The following SPON1 variants were observed in gnomAD, a reference collection of about 807,000 sequenced individuals.
SPON1 encodes spondin 1.
Under a neutral mutation model 111.7 loss-of-function variants are expected in SPON1, and 52 were observed. The observed-to-expected ratio is 0.47, with a 90% CI of 0.37 to 0.59. SPON1 has a LOEUF of 0.59. SPON1 is among the 20% of genes least tolerant of loss of function. The probability of loss-of-function intolerance (pLI) is 0.00; values close to 1 mark genes in which losing one functional copy is unlikely to be tolerated. For synonymous variants in SPON1, 410 were observed against 395.8 expected (o/e 1.04, Z -0.43); for missense variants, 957 against 1,068.5 (o/e 0.90, Z 1.46).
chr11:14,234,985 G>T lies in SPON1; in HGVS notation c.826-8347G>T, dbSNP rs531351345. ...GGCATAGAATGAGCACTTATGAACGGCCAGCCAGCCCACCTGAGCCAGGTT... is the reference window on the plus strand; with the variant it reads ...GGCATAGAATGAGCACTTATGAACGTCCAGCCAGCCCACCTGAGCCAGGTT... On this transcript the variant is annotated intron_variant, in intron 6 of 15. Transcript: ENST00000576479. Among the ~76,000 whole-genome samples, 7 of 152,314 alleles carry T rather than the reference G, an allele frequency of 4.6e-5. No homozygotes were observed. The East Asian group carries it at 7.7e-4, about 17-fold the overall frequency.
chr11:13,965,720 G>A (rs1253351890), intron 1 of SPON1, among the ~76,000 whole-genome samples: 1 of 152,200 alleles, frequency 6.6e-6, no homozygotes. Flanking sequence ...ACCTGATTCT[G>A]CCACTCAAAG....
intron 6 of SPON1, 110 bp from the exon 7 acceptor site, chr11:14,243,221 AG>A: frequency 9.9e-7 from 1 of 1,013,074 alleles, no homozygotes; most frequent in South Asian, 1.4e-5. Flanking sequence ...AGGCAGGAAA[AG>A]CCCCAACAGC....
chr11:14,192,952 G>A (rs1848364077), intron 6 of SPON1, among the ~76,000 whole-genome samples: 1 of 152,106 alleles, frequency 6.6e-6, no homozygotes, highest in Non-Finnish European at 1.5e-5. Context: ...CATCCAAACT[G>A]GTGTTTCCCA....
At chr11:14,177,344 G>T (rs1299813556) in intron 6 of SPON1, among the ~76,000 whole-genome samples, 1 of 152,144 alleles carries the variant, frequency 6.6e-6, no homozygotes, top group Non-Finnish European at 1.5e-5. Flanking sequence ...CCAGCCCAGA[G>T]TTTTTAAGGA....
At chr11:14,045,114 G>A (rs1326704010) in intron 3 of SPON1, among the ~76,000 whole-genome samples, 1 of 152,124 alleles carries the variant, frequency 6.6e-6, no homozygotes, top group Non-Finnish European at 1.5e-5. Flanking sequence ...TTTTTCTCCA[G>A]AAAGCTTGCC....
intron 6 of SPON1, among the ~76,000 whole-genome samples, chr11:14,225,626 T>G (rs1848730963): frequency 2.0e-5 from 3 of 152,256 alleles, no homozygotes; most frequent in African/African-American, 7.2e-5. Context: ...AGGCATGGAT[T>G]ATTTCCATCA....
At chr11:14,224,912 G>T (rs1303429632) in intron 6 of SPON1, among the ~76,000 whole-genome samples, 1 of 152,188 alleles carries the variant, frequency 6.6e-6, no homozygotes, top group Non-Finnish European at 1.5e-5. Context: ...GATGGACTGG[G>T]TGCAGGGAGT....
chr11:14,079,856 C>T, intron 4 of SPON1, 43 bp from the exon 5 acceptor site: 1 of 1,612,298 alleles, frequency 6.2e-7, no homozygotes, highest in Non-Finnish European at 8.5e-7. Flanking sequence ...TATATACAAC[C>T]CACGTTTACT....
rs1847769886 is a variant in SPON1 at position 14,150,146 on chromosome 11, A to G, written c.825+14578A>G. On this transcript the variant is annotated intron_variant, in intron 6 of 15. Coordinates refer to ENST00000576479, the MANE Select transcript of SPON1 (RefSeq NM_006108.4). ...ATAGAATACTATCTAGCCATAAAAA[A>G]GAATGAAATGCCATCATTTGAGGCA... Among the ~76,000 whole-genome samples, 3 of 152,230 alleles carry G rather than the reference A, an allele frequency of 2.0e-5. No individual in the cohort carries two copies. The South Asian group carries it at 6.2e-4, about 31-fold the overall frequency.
intron 15 of SPON1, 94 bp downstream of exon 15, chr11:14,263,069 A>G: frequency 1.4e-6 from 2 of 1,382,920 alleles, no homozygotes; most frequent in Non-Finnish European, 1.9e-6. Flanking sequence ...AAAAAAAAAA[A>G]AAAAAGTCGG....
At chr11:14,051,418 C>T (rs1443247394) in intron 3 of SPON1, among the ~76,000 whole-genome samples, 1 of 152,012 alleles carries the variant, frequency 6.6e-6, no homozygotes, top group Non-Finnish European at 1.5e-5. Flanking sequence ...AGCCTATAGT[C>T]CCAGCTACTC....
intron 6 of SPON1, among the ~76,000 whole-genome samples, chr11:14,167,567 C>T (rs184688118): frequency 2.6e-5 from 4 of 152,154 alleles, no homozygotes; most frequent in African/African-American, 7.2e-5. Context: ...AAAAAGGAAA[C>T]CAAATTTCAT....
intron 6 of SPON1, among the ~76,000 whole-genome samples, chr11:14,184,924 G>T (rs1487056466): frequency 2.0e-5 from 3 of 152,306 alleles, no homozygotes; most frequent in Non-Finnish European, 4.4e-5. Context: ...CAGATTCCGT[G>T]GAACCCATGG....
At chr11:14,021,736 G>A (rs1252293542) in intron 2 of SPON1, among the ~76,000 whole-genome samples, 1 of 152,136 alleles carries the variant, frequency 6.6e-6, no homozygotes, top group Non-Finnish European at 1.5e-5. Flanking sequence ...TCTAGTGCTG[G>A]CTCCTTCTTC....
At chr11:14,031,748 T>C (rs1564889672) in intron 2 of SPON1, among the ~76,000 whole-genome samples, 1 of 152,148 alleles carries the variant, frequency 6.6e-6, no homozygotes, top group Admixed American at 6.5e-5. Flanking sequence ...ATCTGAATTT[T>C]AAAAAATCTA....
intron 2 of SPON1, among the ~76,000 whole-genome samples, chr11:14,039,015 AAAAAG>A (rs1554916970): frequency 1.3e-5 from 2 of 152,246 alleles, no homozygotes; most frequent in African/African-American, 4.8e-5. Flanking sequence ...TTCAGTGCTA[AAAAAG>A]AAATGAGCTA....
At chr11:13,969,372 G>A (rs782550335) in intron 1 of SPON1, among the ~76,000 whole-genome samples, 3 of 152,068 alleles carry the variant, frequency 2.0e-5, no homozygotes, top group African/African-American at 4.8e-5. Flanking sequence ...GCGACAAAGT[G>A]AGACCCTGTC....
intron 6 of SPON1, among the ~76,000 whole-genome samples, chr11:14,189,670 A>G (rs1425308943): frequency 6.6e-6 from 1 of 152,198 alleles, no homozygotes; most frequent in Non-Finnish European, 1.5e-5. Context: ...AGTTAGAGAA[A>G]GTATTTTCTC....
intron 5 of SPON1, among the ~76,000 whole-genome samples, chr11:14,124,343 C>G (rs530280244): frequency 3.3e-4 from 50 of 152,322 alleles, no homozygotes; most frequent in Non-Finnish European, 6.5e-4. Context: ...GCTACTTATC[C>G]TTCAGAATTT....
Sources: allele counts gnomAD v4.1 joint callset (sites outside exome capture counted in the v4.1 genomes callset), GRCh38; gene constraint gnomAD v4.1.1; transcripts MANE v1.5; gene names NCBI Gene and HGNC (gene_info 2026-07-23, HGNC 2026-07-21).